The following LHFPL3 variants were observed in gnomAD, a reference collection of about 807,000 sequenced individuals.
LHFPL3 encodes the protein LHFPL tetraspan subfamily member 3 protein.
Under a neutral mutation model 19.3 loss-of-function variants are expected in LHFPL3, and 5 were observed. That is an observed-to-expected ratio of 0.26 (90% CI 0.14 to 0.54). LHFPL3 has a LOEUF of 0.54. LHFPL3 is among the 20% of genes least tolerant of loss of function. The pLI is 0.94. For synonymous variants in LHFPL3, 133 were observed against 126.2 expected, an observed-to-expected ratio of 1.05 and a Z score of -0.36; for missense variants, 249 against 307.4, an observed-to-expected ratio of 0.81 and a Z score of 1.42.
chr7:104,393,709 C>G (rs996101231), intron 1 of LHFPL3, among the ~76,000 whole-genome samples: 3 of 151,888 alleles, frequency 2.0e-5, no homozygotes, highest in African/African-American at 7.3e-5. Flanking sequence ...CAGTGAGACT[C>G]TGTCTCAAAA....
intron 1 of LHFPL3, among the ~76,000 whole-genome samples, chr7:104,337,992 G>C (rs562485524): frequency 4.6e-5 from 7 of 150,836 alleles, no homozygotes; most frequent in Admixed American, 1.3e-4. Context: ...CATGATATCA[G>C]TTCGTAGATA....
At chr7:104,396,310 AAAAGGTGAG>A (rs1192681075) in intron 1 of LHFPL3, among the ~76,000 whole-genome samples, 1 of 152,184 alleles carries the variant, frequency 6.6e-6, no homozygotes, top group Non-Finnish European at 1.5e-5. Flanking sequence ...GAAGGAGGTC[AAAAGGTGAG>A]AAATGGGGAT....
chr7:104,451,934 C>T (rs1045745742), intron 1 of LHFPL3, among the ~76,000 whole-genome samples: 1 of 151,872 alleles, frequency 6.6e-6, no homozygotes, highest in African/African-American at 2.4e-5. Context: ...TTAGTAGAGA[C>T]GGGGTTTCGC....
At chr7:104,592,649 A>T (rs1360801956) in intron 1 of LHFPL3, among the ~76,000 whole-genome samples, 8 of 152,102 alleles carry the variant, frequency 5.3e-5, no homozygotes, top group Admixed American at 4.6e-4. Flanking sequence ...AGGGACGTTT[A>T]AGTCTGCAGA....
chr7:104,428,791 C>T (rs1791895707), intron 1 of LHFPL3, among the ~76,000 whole-genome samples: 1 of 151,958 alleles, frequency 6.6e-6, no homozygotes, highest in African/African-American at 2.4e-5. Flanking sequence ...ATCCAAAAAC[C>T]TAGATTTAAT....
intron 1 of LHFPL3, among the ~76,000 whole-genome samples, chr7:104,637,275 T>C (rs1264734102): frequency 6.6e-6 from 1 of 152,220 alleles, no homozygotes; most frequent in Non-Finnish European, 1.5e-5. Flanking sequence ...AGATTCTGGA[T>C]ATTACACCTT....
At chr7:104,351,735 A>G (rs1287758079) in intron 1 of LHFPL3, among the ~76,000 whole-genome samples, 5 of 152,252 alleles carry the variant, frequency 3.3e-5, no homozygotes, top group Non-Finnish European at 5.9e-5. Flanking sequence ...CAACACATTG[A>G]CATTCTATAA....
At chr7:104,790,701 G>A (rs1268268901) in intron 2 of LHFPL3, among the ~76,000 whole-genome samples, 1 of 152,168 alleles carries the variant, frequency 6.6e-6, no homozygotes, top group Admixed American at 6.6e-5. Flanking sequence ...CAGGAAAGAT[G>A]GACATTCTAG....
intron 1 of LHFPL3, among the ~76,000 whole-genome samples, chr7:104,729,186 A>AT (rs1468483609): frequency 6.6e-6 from 1 of 152,226 alleles, no homozygotes; most frequent in Non-Finnish European, 1.5e-5. Flanking sequence ...AGAATAGAAA[A>AT]TATCAGCATG....
At chr7:104,589,822 CT>C (rs1294278483) in intron 1 of LHFPL3, among the ~76,000 whole-genome samples, 1 of 152,158 alleles carries the variant, frequency 6.6e-6, no homozygotes, top group African/African-American at 2.4e-5. Flanking sequence ...GATTCAGTTT[CT>C]TCCTGGTTTA....
chr7:104,391,268 G>A (rs7777353), intron 1 of LHFPL3, among the ~76,000 whole-genome samples: 52,743 of 152,022 alleles, frequency 0.35, 9,540 homozygotes, highest in Admixed American at 0.49. Context: ...CCATGCCTAT[G>A]TCCTGAATGG....
intron 1 of LHFPL3, among the ~76,000 whole-genome samples, chr7:104,682,822 G>A (rs1792732400): frequency 6.6e-6 from 1 of 152,080 alleles, no homozygotes; most frequent in Admixed American, 6.6e-5. Flanking sequence ...TTTAATTCAG[G>A]GGGAATCATT....
chr7:104,555,153 A>G (rs914824859), intron 1 of LHFPL3, among the ~76,000 whole-genome samples: 2 of 152,188 alleles, frequency 1.3e-5, no homozygotes, highest in African/African-American at 2.4e-5. Context: ...TTTCCCAGCT[A>G]TCTAGGTATC....
At chr7:104,416,586 G>T (rs1351959078) in intron 1 of LHFPL3, among the ~76,000 whole-genome samples, 1 of 152,174 alleles carries the variant, frequency 6.6e-6, no homozygotes, top group Admixed American at 6.5e-5. Flanking sequence ...AAGGGGGTCT[G>T]GCGTTTTCTG....
At chr7:104,546,815 C>T (rs1401965334) in intron 1 of LHFPL3, among the ~76,000 whole-genome samples, 1 of 152,174 alleles carries the variant, frequency 6.6e-6, no homozygotes, top group Non-Finnish European at 1.5e-5. Flanking sequence ...GAGAAAGTTA[C>T]ATGACCTTGA....
At chr7:104,534,152 G>A (rs1182605667) in intron 1 of LHFPL3, among the ~76,000 whole-genome samples, 4 of 152,062 alleles carry the variant, frequency 2.6e-5, no homozygotes, top group Non-Finnish European at 5.9e-5. Flanking sequence ...TCCTCACCTG[G>A]CAGCCAGATT....
Position 104,524,945 on chromosome 7 carries a change from A to T in LHFPL3, c.445+195721A>T, listed in dbSNP as rs866439003. 4.6e-5 allele frequency among the ~76,000 whole-genome samples: 7 copies of T among 152,110 alleles called. No homozygotes were observed. The South Asian group carries it at 8.3e-4, about 18-fold the overall frequency. On this transcript the variant is annotated intron_variant, in intron 1 of 2. Coordinates refer to ENST00000424859, the MANE Select transcript of LHFPL3 (RefSeq NM_199000.3). ...TTCAAACCACTGACAAATTATATAC[A>T]CCTAGTATTTCTGTTGTAATGTTGG...
intron 1 of LHFPL3, among the ~76,000 whole-genome samples, chr7:104,354,181 G>A (rs529615623): frequency 9.2e-5 from 14 of 152,286 alleles, no homozygotes; most frequent in African/African-American, 3.4e-4. Flanking sequence ...GCAGTGCTAG[G>A]TTTTGAAGCT....
At chr7:104,403,615 A>G (rs1410100264) in intron 1 of LHFPL3, among the ~76,000 whole-genome samples, 2 of 152,220 alleles carry the variant, frequency 1.3e-5, no homozygotes, top group African/African-American at 4.8e-5. Flanking sequence ...AAAAAGTGTT[A>G]TTAAAAATAT....
Sources: allele counts gnomAD v4.1 joint callset (sites outside exome capture counted in the v4.1 genomes callset), GRCh38; gene constraint gnomAD v4.1.1; transcripts MANE v1.5; gene names NCBI Gene and HGNC (gene_info 2026-07-23, HGNC 2026-07-21).